IPMK: variants seen among roughly 807,000 people sequenced by gnomAD.
IPMK encodes the protein inositol polyphosphate multikinase, also known as inositol 1,3,4,6-tetrakisphosphate 5-kinase.
A neutral mutation model predicts 45.8 loss-of-function variants in IPMK; 17 were observed. That is an observed-to-expected ratio of 0.37 (90% CI 0.25 to 0.56). The LOEUF (loss-of-function observed/expected upper bound fraction) is 0.56, where lower values mean the gene tolerates loss of function less well. Among genes scored for constraint, IPMK ranks in the 20% least tolerant of loss-of-function variants. The pLI, the probability that IPMK is intolerant of heterozygous loss-of-function variation, is 0.79. For missense variants in IPMK, 399 were observed against 498.0 expected, an observed-to-expected ratio of 0.80 and a Z score of 1.89; for synonymous variants, 180 against 184.3, an observed-to-expected ratio of 0.98 and a Z score of 0.19.
In IPMK at chr10:58,267,804, C is replaced by T; in HGVS notation, c.-193G>A. ...GGCGCGGGCGCTCCTCTGCCCAACT[C>T]TCGGCGGAACGCGGCTCCCGGCTCC... is the stretch of plus-strand genomic sequence containing the variant. On this transcript the variant is annotated 5_prime_UTR_variant, in exon 1 of 6. Coordinates refer to ENST00000373935, the MANE Select transcript of IPMK (RefSeq NM_152230.5). 4 of 518,696 alleles carry T rather than the reference C, an allele frequency of 7.7e-6. No homozygotes were observed. In the South Asian group the frequency reaches 7.8e-5, roughly 10 times the overall value. The allele number at this position is 518,696 out of a possible 1,614,324, so 32.1% of individuals were successfully genotyped here.
intron 1 of IPMK, among the ~76,000 whole-genome samples, chr10:58,257,556 A>C (rs893924853): frequency 3.9e-5 from 6 of 152,168 alleles, no homozygotes; most frequent in African/African-American, 1.4e-4. Flanking sequence ...AAAATGTGAG[A>C]AAGGTACTGA....
rs528307172 is a variant in IPMK at position 58,244,101 on chromosome 10, C to T, written c.191-6287G>A. On this transcript the variant is annotated intron_variant, in intron 1 of 5. Transcript: ENST00000373935. ...GGGGAACGTCTCTGCCCGGCCGCCC[C>T]GTCTGGGAAGTGGGCGCCTCTGCCT... is the stretch of plus-strand genomic sequence containing the variant. Among the ~76,000 whole-genome samples the T allele has an allele frequency of 3.3e-4, 50 of 150,068 alleles. No individual in the cohort carries two copies. In the East Asian group the frequency reaches 4.6e-3, roughly 14 times the overall value.
chr10:58,253,171 C>T (rs931117773), intron 1 of IPMK, among the ~76,000 whole-genome samples: 2 of 152,184 alleles, frequency 1.3e-5, no homozygotes, highest in African/African-American at 2.4e-5. Flanking sequence ...TTCCACTGCA[C>T]AAGCTGTCTT....
intron 4 of IPMK, among the ~76,000 whole-genome samples, chr10:58,204,727 C>T (rs1322677551): frequency 1.3e-5 from 2 of 151,952 alleles, no homozygotes; most frequent in African/African-American, 2.4e-5. Flanking sequence ...CCCAGCAGTT[C>T]GAGGCTGCAG....
At chr10:58,208,285 C>T (rs1457539477) in intron 4 of IPMK, among the ~76,000 whole-genome samples, 1 of 152,116 alleles carries the variant, frequency 6.6e-6, no homozygotes, top group Non-Finnish European at 1.5e-5. Context: ...CTGGTATCTC[C>T]TTGAGTAGCT....
chr10:58,238,627 T>A (rs975996603), intron 1 of IPMK, among the ~76,000 whole-genome samples: 8 of 152,246 alleles, frequency 5.3e-5, no homozygotes, highest in African/African-American at 1.9e-4. Flanking sequence ...TCCTTTTCTT[T>A]TTGGCAAGTG....
chr10:58,261,150 C>T (rs1043150816), intron 1 of IPMK, among the ~76,000 whole-genome samples: 1 of 146,244 alleles, frequency 6.8e-6, no homozygotes, highest in Non-Finnish European at 1.5e-5. Context: ...CTGATACATA[C>T]GAATTTCTAG....
chr10:58,211,215 A>G lies in IPMK; in HGVS notation c.546+4930T>C, dbSNP rs530377697. On this transcript the variant is annotated intron_variant, in intron 4 of 5. Coordinates refer to ENST00000373935, the MANE Select transcript of IPMK (RefSeq NM_152230.5). ...GTTTTTTTTTTTTTTTTTATGAGACAGAGTCTCGCTCTGTCACCCAGGCTG... is the reference window on the plus strand; with the variant it reads ...GTTTTTTTTTTTTTTTTTATGAGACGGAGTCTCGCTCTGTCACCCAGGCTG... 1.2e-3 allele frequency among the ~76,000 whole-genome samples: 173 copies of G among 149,938 alleles called. 2 individuals are homozygous for G. The highest frequency in any genetic ancestry group is 4.1e-4 in the Non-Finnish European group (28 of 67,564).
intron 1 of IPMK, among the ~76,000 whole-genome samples, chr10:58,255,647 CTTTT>C (rs550508660): frequency 6.7e-6 from 1 of 148,852 alleles, no homozygotes; most frequent in Non-Finnish European, 1.5e-5. Flanking sequence ...ATTTATATTT[CTTTT>C]TTTTTTCTTT....
intron 4 of IPMK, 34 bp downstream of exon 4, chr10:58,216,111 G>A (rs748724936): frequency 1.5e-6 from 2 of 1,347,108 alleles, no homozygotes; most frequent in Admixed American, 5.1e-5. Context: ...CATGTACAGA[G>A]AAATGTGCAT....
intron 1 of IPMK, among the ~76,000 whole-genome samples, chr10:58,266,937 C>T (rs1314166472): frequency 6.6e-6 from 1 of 152,174 alleles, no homozygotes; most frequent in African/African-American, 2.4e-5. Context: ...TCACCTCCCC[C>T]TAAAAAAGCC....
At chr10:58,218,093 G>A (rs1032374041) in intron 3 of IPMK, among the ~76,000 whole-genome samples, 1 of 152,116 alleles carries the variant, frequency 6.6e-6, no homozygotes, top group African/African-American at 2.4e-5. Context: ...AAGAGAGCAG[G>A]GTTATAACTC....
At chr10:58,227,883 T>C (rs775535693) in intron 2 of IPMK, among the ~76,000 whole-genome samples, 8 of 152,186 alleles carry the variant, frequency 5.3e-5, no homozygotes, top group Non-Finnish European at 8.8e-5. Context: ...ATTCTCTACC[T>C]AATTATCTAA....
At position 58,196,331 on chromosome 10, in the gene IPMK, C is replaced by G. The variant is rs1490292192; in HGVS notation, c.996G>C (p.Gln332His). The G allele has an allele frequency of 8.7e-6, 14 of 1,614,040 alleles. No homozygotes were observed. Among genetic ancestry groups the G allele is most frequent in the Non-Finnish European group, 1.1e-5 (13 of 1,180,028 alleles). Residue 332 changes from glutamine (Q) to histidine (H), a missense_variant, in exon 6 of 6, where the codon CAG (glutamine) becomes CAC (histidine). Physicochemically the swap from Gln to His is conservative, Grantham distance 24. Coordinates refer to ENST00000373935, the MANE Select transcript of IPMK (RefSeq NM_152230.5). Reference sequence around the variant, plus strand: ...CCAGATTTTCAACTTTCAATGAAGTCTGACTGTGATGCTTTTTTGTATATA... The same window carrying G: ...CCAGATTTTCAACTTTCAATGAAGTGTGACTGTGATGCTTTTTTGTATATA... ...RKIYTKKHHSQTSLKVENLEQ... is the reference protein window; with the variant it reads ...RKIYTKKHHSHTSLKVENLEQ...
At chr10:58,207,723 T>C (rs1341761259) in intron 4 of IPMK, among the ~76,000 whole-genome samples, 1 of 152,116 alleles carries the variant, frequency 6.6e-6, no homozygotes, top group Non-Finnish European at 1.5e-5. Context: ...CAGTGTTAGG[T>C]GCATATATAT....
chr10:58,200,837 T>A (rs1045595787), intron 4 of IPMK, among the ~76,000 whole-genome samples: 2 of 152,184 alleles, frequency 1.3e-5, no homozygotes, highest in Admixed American at 6.5e-5. Context: ...TTGGTTCTTT[T>A]TGGTAGATAA....
chr10:58,256,053 G>A (rs1372619429), intron 1 of IPMK, among the ~76,000 whole-genome samples: 1 of 152,118 alleles, frequency 6.6e-6, no homozygotes, highest in African/African-American at 2.4e-5. Flanking sequence ...TGCGTTATCT[G>A]CACAAATTGT....
intron 2 of IPMK, among the ~76,000 whole-genome samples, chr10:58,230,800 T>C (rs890629197): frequency 8.5e-5 from 13 of 152,056 alleles, no homozygotes; most frequent in African/African-American, 3.1e-4. Flanking sequence ...TCCCCAGCAA[T>C]GGAACAAAGC....
intron 4 of IPMK, among the ~76,000 whole-genome samples, chr10:58,201,310 TG>T (rs1446008764): frequency 2.0e-5 from 3 of 152,204 alleles, no homozygotes; most frequent in African/African-American, 7.2e-5. Flanking sequence ...GCAAATCTAT[TG>T]GTGCCACTTT....
Sources: allele counts gnomAD v4.1 joint callset (sites outside exome capture counted in the v4.1 genomes callset), GRCh38; gene constraint gnomAD v4.1.1; transcripts MANE v1.5; gene names NCBI Gene and HGNC (gene_info 2026-07-23, HGNC 2026-07-21).